TPD52: variants seen among roughly 807,000 people sequenced by gnomAD.
TPD52 encodes the protein tumor protein D52, also known as prostate and colon associated protein.
TPD52 carries 17 observed loss-of-function variants against 31.3 expected under a neutral mutation model. That is an observed-to-expected ratio of 0.54 (90% CI 0.37 to 0.82). TPD52 has a LOEUF of 0.82. Among genes scored for constraint, TPD52 ranks in the 40% least tolerant of loss-of-function variants. The probability of loss-of-function intolerance (pLI) is 0.00; values close to 1 mark genes in which losing one functional copy is unlikely to be tolerated. For synonymous variants in TPD52, 83 were observed against 89.6 expected (o/e 0.93, Z 0.42); for missense variants, 212 against 240.1 (o/e 0.88, Z 0.77).
intron 1 of TPD52, among the ~76,000 whole-genome samples, chr8:80,140,105 G>C (rs928192900): frequency 6.6e-5 from 10 of 152,220 alleles, no homozygotes; most frequent in Admixed American, 6.5e-5. Flanking sequence ...GTGACACACA[G>C]ACGCTGGTTC....
At chr8:80,134,429 T>C (rs1413959304) in intron 1 of TPD52, among the ~76,000 whole-genome samples, 1 of 152,198 alleles carries the variant, frequency 6.6e-6, no homozygotes, top group African/African-American at 2.4e-5. Flanking sequence ...ACACAATAAT[T>C]CTCTGAACTA....
chr8:80,152,142 G>C (rs1810612242), intron 1 of TPD52, among the ~76,000 whole-genome samples: 2 of 149,714 alleles, frequency 1.3e-5, no homozygotes, highest in East Asian at 4.0e-4. Context: ...GTAACAGCTC[G>C]AGAAAGGGAG....
At position 80,171,338 on chromosome 8, in the gene TPD52, G is replaced by A. The variant is rs772657637; in HGVS notation, c.19+87C>T. The A allele has an allele frequency of 5.4e-5, 84 of 1,548,816 alleles. 2 individuals are homozygous for A. Among genetic ancestry groups the A allele is most frequent in the South Asian group, 5.3e-4 (47 of 88,042 alleles). On this transcript the variant is annotated intron_variant, in intron 1 of 7. Transcript: ENST00000518937. Reference sequence around the variant, plus strand: ...GCTCGGCACCTGCTCGAGCCGCCGGGCCGCGCTCAGCCCCGCGCCGAGCCA... The same window carrying A: ...GCTCGGCACCTGCTCGAGCCGCCGGACCGCGCTCAGCCCCGCGCCGAGCCA...
intron 1 of TPD52, among the ~76,000 whole-genome samples, chr8:80,151,569 A>C (rs554608125): frequency 1.4e-4 from 21 of 152,214 alleles, no homozygotes; most frequent in East Asian, 3.9e-4. Flanking sequence ...GTAGATCCCC[A>C]AAAAAAGATC....
intron 1 of TPD52, among the ~76,000 whole-genome samples, chr8:80,170,083 C>T (rs56192937): frequency 0.17 from 25,327 of 152,092 alleles, 3,640 homozygotes; most frequent in African/African-American, 0.39. Flanking sequence ...GAGGAAAGAG[C>T]TGAAAGACTC....
At chr8:80,041,260 C>G (rs1810358282) in intron 7 of TPD52, among the ~76,000 whole-genome samples, 1 of 152,024 alleles carries the variant, frequency 6.6e-6, no homozygotes, top group African/African-American at 2.4e-5. Context: ...CCTGCACATT[C>G]TGCACATGTA....
rs5892709 is a variant in TPD52, at chr8:80,129,703, C to CTTTTTT, written c.19+41716_19+41721dup. Among the ~76,000 whole-genome samples, 6 of 130,072 alleles carry CTTTTTT rather than the reference C, an allele frequency of 4.6e-5. 1 individual carries two copies. Among genetic ancestry groups the CTTTTTT allele is most frequent in the South Asian group, 2.5e-4 (1 of 4,076 alleles). The allele number at this position is 130,072 out of a possible 152,430, so 85.3% of individuals were successfully genotyped here. On this transcript the variant is annotated intron_variant, in intron 1 of 7. Transcript: ENST00000518937. ...TTCTCTCAAATCCTAACTCTCATTT[C>CTTTTTT]TTTTTTTTTTTTTTTTTTGAGACGG...
intron 1 of TPD52, among the ~76,000 whole-genome samples, chr8:80,166,173 C>T (rs536834709): frequency 1.2e-4 from 19 of 152,170 alleles, no homozygotes; most frequent in East Asian, 5.9e-4. Context: ...AAAATTATGG[C>T]GTGGAGGCAC....
chr8:80,147,315 G>A (rs1810262052), intron 1 of TPD52, among the ~76,000 whole-genome samples: 1 of 152,102 alleles, frequency 6.6e-6, no homozygotes, highest in Non-Finnish European at 1.5e-5. Flanking sequence ...GGGAGACCTC[G>A]CTGACGGGAT....
intron 1 of TPD52, among the ~76,000 whole-genome samples, chr8:80,128,494 C>CAAAAAAAAAAA (rs3053828): frequency 0.014 from 1,124 of 83,080 alleles, 121 homozygotes; most frequent in African/African-American, 0.043. Flanking sequence ...CCTGTCTCTA[C>CAAAAAAAAAAA]AAAAAAAAAA....
chr8:80,053,052 T>A, intron 3 of TPD52: 2 of 400,330 alleles, frequency 5.0e-6, no homozygotes, highest in Non-Finnish European at 8.9e-6. Context: ...ATTTGAATTT[T>A]ATTTCTCCAA....
chr8:80,100,858 G>A (rs1015599935), intron 1 of TPD52, among the ~76,000 whole-genome samples: 2 of 152,144 alleles, frequency 1.3e-5, no homozygotes, highest in South Asian at 2.1e-4. Context: ...ATCCACATTC[G>A]GAGAAGTCAA....
At chr8:80,120,897 T>G (rs1021549750) in intron 1 of TPD52, among the ~76,000 whole-genome samples, 1 of 151,920 alleles carries the variant, frequency 6.6e-6, no homozygotes, top group Admixed American at 6.6e-5. Context: ...CAGGCCAAGA[T>G]GGTGAAACCC....
chr8:80,075,560 T>C (rs531741239), intron 1 of TPD52, among the ~76,000 whole-genome samples: 1 of 152,354 alleles, frequency 6.6e-6, no homozygotes, highest in South Asian at 2.1e-4. Flanking sequence ...TATTTCTAAA[T>C]GGACCCTTAA....
At chr8:80,112,959 C>G (rs759818700) in intron 1 of TPD52, among the ~76,000 whole-genome samples, 3 of 152,152 alleles carry the variant, frequency 2.0e-5, no homozygotes, top group Non-Finnish European at 1.5e-5. Flanking sequence ...ATTTCATATA[C>G]ACCTTATACA....
downstream of TPD52, chr8:80,033,059 C>A: frequency 6.6e-6 from 1 of 152,632 alleles, no homozygotes; most frequent in Non-Finnish European, 1.5e-5. Context: ...GCAGGGTGAG[C>A]AGCTACAGGC....
intron 1 of TPD52, among the ~76,000 whole-genome samples, chr8:80,083,538 A>C (rs1249683055): frequency 6.6e-6 from 1 of 152,184 alleles, no homozygotes; most frequent in African/African-American, 2.4e-5. Context: ...TAAGGAGAAC[A>C]GATGGTTTTA....
intron 1 of TPD52, among the ~76,000 whole-genome samples, chr8:80,139,423 A>AT (rs898051553): frequency 1.4e-5 from 2 of 138,824 alleles, no homozygotes; most frequent in Admixed American, 7.3e-5. Context: ...GAAAAAAAAA[A>AT]TTTTTTCAGA....
At chr8:80,124,537 C>T (rs1281116497) in intron 1 of TPD52, among the ~76,000 whole-genome samples, 2 of 152,134 alleles carry the variant, frequency 1.3e-5, no homozygotes, top group Admixed American at 6.5e-5. Flanking sequence ...AGTGTGTATA[C>T]GTACGTTTAC....
Sources: allele counts gnomAD v4.1 joint callset (sites outside exome capture counted in the v4.1 genomes callset), GRCh38; gene constraint gnomAD v4.1.1; transcripts MANE v1.5; gene names NCBI Gene and HGNC (gene_info 2026-07-23, HGNC 2026-07-21).